The following PPP3R1 variants were observed in gnomAD, a reference collection of about 807,000 sequenced individuals.
The protein encoded by PPP3R1 is protein phosphatase 3 regulatory subunit B, alpha.
A neutral mutation model predicts 22.6 loss-of-function variants in PPP3R1; 5 were observed. The observed-to-expected ratio is 0.22, with a 90% confidence interval of 0.12 to 0.46. The LOEUF (loss-of-function observed/expected upper bound fraction) is 0.46. Ranked by LOEUF, PPP3R1 falls within the 20% of genes least tolerant of loss-of-function variation. The pLI is 0.99. For missense variants in PPP3R1, 61 were observed against 203.2 expected (o/e 0.30, Z 4.25); for synonymous variants, 56 against 65.2 (o/e 0.86, Z 0.68).
Position 68,252,370 on chromosome 2 carries a change from G to C in PPP3R1, c.-243C>G, listed in dbSNP as rs1670388072. 1 of 1,006,366 alleles carries C rather than the reference G, an allele frequency of 9.9e-7. No homozygotes were observed. The highest frequency in any genetic ancestry group is 1.2e-6 in the Non-Finnish European group (1 of 844,938). 62.3% of individuals were successfully genotyped at this position (1,006,366 alleles called of 1,614,324 possible). The stretch of plus-strand genomic sequence containing the variant: ...AGGTCGAGATTCAGAGCCGGAGAGC[G>C]CGGGAGGAGCAGCGGCGAGAGGCAG... On this transcript the variant is annotated 5_prime_UTR_variant, in exon 1 of 6. Coordinates refer to ENST00000234310, the MANE Select transcript of PPP3R1 (RefSeq NM_000945.4).
intron 1 of PPP3R1, among the ~76,000 whole-genome samples, chr2:68,234,069 C>T (rs1293227594): frequency 6.6e-6 from 1 of 152,132 alleles, no homozygotes; most frequent in East Asian, 1.9e-4. Flanking sequence ...TAAGGCCGGG[C>T]ACGGTGGCTC....
intron 2 of PPP3R1, among the ~76,000 whole-genome samples, chr2:68,214,261 T>C (rs1180804248): frequency 1.3e-5 from 2 of 152,106 alleles, no homozygotes; most frequent in East Asian, 3.9e-4. Context: ...CCAAAAGCAA[T>C]TGCAACAAAG....
intron 5 of PPP3R1, among the ~76,000 whole-genome samples, chr2:68,181,694 T>A (rs1674406961): frequency 6.6e-6 from 1 of 151,940 alleles, no homozygotes; most frequent in Non-Finnish European, 1.5e-5. Context: ...TGCTCTGTAG[T>A]TTGCTGGCCC....
intron 1 of PPP3R1, among the ~76,000 whole-genome samples, chr2:68,217,426 C>T (rs1669601621): frequency 6.6e-6 from 1 of 152,034 alleles, no homozygotes; most frequent in Admixed American, 6.6e-5. Context: ...AGTTATATGC[C>T]AAATTTTAAC....
intron 1 of PPP3R1, among the ~76,000 whole-genome samples, chr2:68,221,802 T>C (rs968832096): frequency 1.3e-5 from 2 of 151,490 alleles, no homozygotes; most frequent in Non-Finnish European, 2.9e-5. Context: ...TCTCCTTAGA[T>C]ACACCAAGGA....
At chr2:68,182,729 C>CAAA (rs148908840) in intron 5 of PPP3R1, among the ~76,000 whole-genome samples, 2 of 104,634 alleles carry the variant, frequency 1.9e-5, no homozygotes, top group African/African-American at 7.1e-5. Flanking sequence ...CACTCCCTCT[C>CAAA]AAAAAAAAAA....
chr2:68,204,308 G>GACATAT (rs1216117437), intron 2 of PPP3R1, among the ~76,000 whole-genome samples: 2 of 145,364 alleles, frequency 1.4e-5, no homozygotes, highest in Non-Finnish European at 3.0e-5. Context: ...TGAATTGAAT[G>GACATAT]ACATATACAT....
chr2:68,203,765 T>TAA (rs1327691802), intron 2 of PPP3R1, among the ~76,000 whole-genome samples: 1 of 152,160 alleles, frequency 6.6e-6, no homozygotes, highest in Non-Finnish European at 1.5e-5. Context: ...ACATCACCTG[T>TAA]AAATACTCAA....
intron 2 of PPP3R1, among the ~76,000 whole-genome samples, chr2:68,198,467 A>G (rs1324631084): frequency 6.7e-6 from 1 of 149,878 alleles, no homozygotes; most frequent in Non-Finnish European, 1.5e-5. Flanking sequence ...ATATACGTAT[A>G]TATGCGTATG....
intron 2 of PPP3R1, among the ~76,000 whole-genome samples, chr2:68,207,993 T>C (rs1669357861): frequency 1.3e-5 from 2 of 152,066 alleles, no homozygotes; most frequent in African/African-American, 4.8e-5. Context: ...TCATCTCTAC[T>C]AAAAATACAA....
chr2:68,214,670 A>G (rs1669545174), intron 2 of PPP3R1, among the ~76,000 whole-genome samples: 1 of 152,206 alleles, frequency 6.6e-6, no homozygotes, highest in Non-Finnish European at 1.5e-5. Flanking sequence ...GAACGCTTAT[A>G]CACTGCTGGT....
intron 5 of PPP3R1, 128 bp downstream of exon 5, chr2:68,186,340 A>G: frequency 1.2e-6 from 1 of 820,212 alleles, no homozygotes; most frequent in Non-Finnish European, 1.9e-6. Context: ...TTTCAAAACA[A>G]TACGGGCAAT....
chr2:68,217,041 G>C lies in PPP3R1; in HGVS notation c.43+51C>G, dbSNP rs200685754. The stretch of plus-strand genomic sequence containing the variant: ...ACACACACACACACACACACACACA[G>C]AGAGAGATGAGTGAATAAAAGTAAC... On this transcript the variant is annotated intron_variant, in intron 2 of 5. Transcript: ENST00000234310. The C allele has an allele frequency of 1.1e-3, 1,250 of 1,090,860 alleles. 2 individuals carry two copies. The East Asian group carries it at 0.012, about 10-fold the overall frequency. 67.6% of individuals were successfully genotyped at this position (1,090,860 alleles called of 1,614,324 possible). A position where few individuals can be genotyped will look rare whatever the true frequency, so the allele number is the denominator to read the frequency against.
chr2:68,247,005 G>A (rs868361946), intron 1 of PPP3R1, among the ~76,000 whole-genome samples: 1 of 151,916 alleles, frequency 6.6e-6, no homozygotes, highest in Admixed American at 6.6e-5. Context: ...ACCCAGGCTG[G>A]AGTGCAGTCA....
chr2:68,198,281 G>T (rs1021444895), intron 2 of PPP3R1, among the ~76,000 whole-genome samples: 1 of 143,964 alleles, frequency 6.9e-6, no homozygotes, highest in Non-Finnish European at 1.5e-5. Context: ...GTGTATGCAT[G>T]TATGTGTATA....
chr2:68,246,842 C>A (rs1228639611), intron 1 of PPP3R1, among the ~76,000 whole-genome samples: 1 of 152,334 alleles, frequency 6.6e-6, no homozygotes, highest in East Asian at 1.9e-4. Context: ...TATAAATGCA[C>A]AGACAATGCT....
At chr2:68,248,349 A>G (rs939829239) in intron 1 of PPP3R1, among the ~76,000 whole-genome samples, 1 of 152,244 alleles carries the variant, frequency 6.6e-6, no homozygotes, top group Non-Finnish European at 1.5e-5. Context: ...AATAGCACAT[A>G]GCACACTGCA....
chr2:68,205,742 G>A (rs1469470223), intron 2 of PPP3R1, among the ~76,000 whole-genome samples: 2 of 152,208 alleles, frequency 1.3e-5, no homozygotes, highest in South Asian at 2.1e-4. Context: ...CAGTGTCCGT[G>A]GAGTTATAGC....
intron 5 of PPP3R1, among the ~76,000 whole-genome samples, chr2:68,181,690 G>C (rs892101398): frequency 1.3e-5 from 2 of 149,132 alleles, no homozygotes; most frequent in Non-Finnish European, 3.0e-5. Context: ...GGTTTGCTCT[G>C]TAGTTTGCTG....
Sources: gnomAD v4.1 joint callset for allele counts (sites outside exome capture counted in the v4.1 genomes callset) on GRCh38, gnomAD v4.1.1 for gene constraint, MANE v1.5 for transcripts, NCBI Gene and HGNC (gene_info 2026-07-23, HGNC 2026-07-21) for gene names.